GALNT14: variants seen among roughly 807,000 people sequenced by gnomAD.
The protein encoded by GALNT14 is polypeptide N-acetylgalactosaminyltransferase 14, also known as UDP-GalNAc:polypeptide N-acetylgalactosaminyltransferase 14.
Under a neutral mutation model 77.5 loss-of-function variants are expected in GALNT14, and 60 were observed. That is an observed-to-expected ratio of 0.77 (90% CI 0.63 to 0.96). The LOEUF (loss-of-function observed/expected upper bound fraction) is 0.96. GALNT14 is among the 40% of genes least tolerant of loss of function. The pLI is 0.00. For synonymous variants in GALNT14, 280 were observed against 281.7 expected (o/e 0.99, Z 0.06); for missense variants, 710 against 731.0 (o/e 0.97, Z 0.33).
At chr2:31,004,444 C>T (rs763733546) in intron 1 of GALNT14, among the ~76,000 whole-genome samples, 1 of 152,184 alleles carries the variant, frequency 6.6e-6, no homozygotes, top group Non-Finnish European at 1.5e-5. Flanking sequence ...TCAGAGAGGG[C>T]AGCTTCAGCT....
At chr2:30,948,996 T>C (rs942158196) in intron 6 of GALNT14, among the ~76,000 whole-genome samples, 1 of 152,190 alleles carries the variant, frequency 6.6e-6, no homozygotes, top group Admixed American at 6.5e-5. Flanking sequence ...AGGGGTTCTG[T>C]CCTTCTATTA....
chr2:31,045,189 GA>G (rs1673362146), intron 1 of GALNT14, among the ~76,000 whole-genome samples: 1 of 152,158 alleles, frequency 6.6e-6, no homozygotes, highest in Admixed American at 6.5e-5. Flanking sequence ...AGGAAGATGA[GA>G]AAACTGGCCC....
chr2:30,953,013 C>G (rs901315614), intron 6 of GALNT14, among the ~76,000 whole-genome samples: 1 of 152,188 alleles, frequency 6.6e-6, no homozygotes, highest in Admixed American at 6.5e-5. Context: ...AACAGAGACA[C>G]TATCTCCAAC....
chr2:30,917,741 T>C (rs1364343892), intron 13 of GALNT14, among the ~76,000 whole-genome samples: 1 of 152,240 alleles, frequency 6.6e-6, no homozygotes, highest in Non-Finnish European at 1.5e-5. Flanking sequence ...AAGGGGCCAA[T>C]GGTTACTCTG....
chr2:30,889,352 C>A, the GALNT14 span, among the ~76,000 whole-genome samples: 2,164 of 152,292 alleles, frequency 0.014, 23 homozygotes, highest in Non-Finnish European at 0.021. Context: ...CTTGGAACAG[C>A]TCCTCCTCCC....
At position 30,924,235 on chromosome 2, in the gene GALNT14, C is replaced by T. The variant is rs868166769; in HGVS notation, c.1264G>A (p.Gly422Ser). The change falls in exon 13 of 15, where the codon GGC becomes AGC. Residue 422 changes from glycine (G) to serine (S), a missense_variant. Gly to Ser is a moderately conservative substitution (Grantham distance 56, BLOSUM62 0). Coordinates refer to ENST00000349752, the MANE Select transcript of GALNT14 (RefSeq NM_024572.4). ...CACTTCTGTCTCTGTCGGATATTGC[C>T]CTTCTGGATGGAGGACTCCTTGGGG... The part of the protein sequence containing the change: ...SIPKESSIQK[G>S]NIRQRQKCLE... The T allele has an allele frequency of 4.3e-6, 7 of 1,614,006 alleles. No individual in the cohort carries two copies. Among genetic ancestry groups the T allele is most frequent in the Non-Finnish European group, 5.9e-6 (7 of 1,180,038 alleles).
intron 1 of GALNT14, among the ~76,000 whole-genome samples, chr2:31,027,059 CA>C (rs1213039829): frequency 3.1e-4 from 47 of 152,202 alleles, no homozygotes; most frequent in African/African-American, 1.1e-3. Flanking sequence ...TATATTAAAA[CA>C]AACAAACGCT....
chr2:31,023,809 A>C, intron 1 of GALNT14, among the ~76,000 whole-genome samples: 1 of 150,374 alleles, frequency 6.7e-6, no homozygotes, highest in African/African-American at 2.5e-5. Flanking sequence ...GCCCCTCATC[A>C]CTCTCCTCCT....
intron 1 of GALNT14, among the ~76,000 whole-genome samples, chr2:31,104,898 G>A (rs1439958423): frequency 2.0e-5 from 3 of 152,144 alleles, no homozygotes; most frequent in African/African-American, 4.8e-5. Context: ...ATTTTACCAT[G>A]TTTCCATGTT....
At chr2:30,998,931 A>C (rs903382347) in intron 1 of GALNT14, among the ~76,000 whole-genome samples, 1 of 152,156 alleles carries the variant, frequency 6.6e-6, no homozygotes, top group African/African-American at 2.4e-5. Context: ...CCTCCTTCAA[A>C]GGATGTCTGC....
At chr2:31,033,769 G>A (rs1275108256) in intron 1 of GALNT14, among the ~76,000 whole-genome samples, 1 of 151,974 alleles carries the variant, frequency 6.6e-6, no homozygotes, top group African/African-American at 2.4e-5. Context: ...TGCAGGTGAT[G>A]CCCACGTGTT....
chr2:30,967,890 T>A (rs1022196879), intron 2 of GALNT14, among the ~76,000 whole-genome samples: 1 of 152,236 alleles, frequency 6.6e-6, no homozygotes, highest in African/African-American at 2.4e-5. Flanking sequence ...CAGTCTTGTA[T>A]GCTGCCATGA....
chr2:30,963,151 G>A (rs1039477343), intron 3 of GALNT14, among the ~76,000 whole-genome samples: 8 of 152,134 alleles, frequency 5.3e-5, no homozygotes, highest in South Asian at 4.2e-4. Flanking sequence ...CAGCTAAGTC[G>A]TCTGGCACGT....
chr2:30,930,930 A>G (rs912202659), intron 10 of GALNT14, among the ~76,000 whole-genome samples: 1 of 152,228 alleles, frequency 6.6e-6, no homozygotes, highest in Non-Finnish European at 1.5e-5. Context: ...GCCCAGTCTC[A>G]AAGACAATGA....
At chr2:31,112,966 C>G (rs943058317) in intron 1 of GALNT14, among the ~76,000 whole-genome samples, 1 of 152,134 alleles carries the variant, frequency 6.6e-6, no homozygotes, top group Admixed American at 6.5e-5. Flanking sequence ...TTATATGCAG[C>G]TACTAATAAA....
intron 9 of GALNT14, among the ~76,000 whole-genome samples, chr2:30,934,315 A>T (rs142429799): frequency 6.6e-6 from 1 of 151,608 alleles, no homozygotes; most frequent in Non-Finnish European, 1.5e-5. Flanking sequence ...GCTCCAATCA[A>T]CTCCTCTCCA....
At chr2:30,990,188 T>C (rs1163169489) in intron 2 of GALNT14, among the ~76,000 whole-genome samples, 1 of 152,122 alleles carries the variant, frequency 6.6e-6, no homozygotes, top group African/African-American at 2.4e-5. Flanking sequence ...CAACCTACAA[T>C]GCACAGGACA....
chr2:30,942,803 C>T lies in GALNT14; in HGVS notation c.828-499G>A, dbSNP rs562520833. Among the ~76,000 whole-genome samples, 4 of 152,114 alleles carry T rather than the reference C, an allele frequency of 2.6e-5. No homozygotes were observed. In the South Asian group the frequency reaches 6.2e-4, roughly 24 times the overall value. On this transcript the variant is annotated intron_variant, in intron 8 of 14. Coordinates refer to ENST00000349752, the MANE Select transcript of GALNT14 (RefSeq NM_024572.4). ...CTGGGCTCTCTCTCCTTTTTTTTCC[C>T]TCTTTATGCCTCTGTTATGGGTTGA...
chr2:30,999,244 G>A (rs1279179495), intron 1 of GALNT14, among the ~76,000 whole-genome samples: 1 of 152,138 alleles, frequency 6.6e-6, no homozygotes, highest in East Asian at 1.9e-4. Flanking sequence ...TGACACAGAG[G>A]TCCCAAATAG....
Sources: allele counts gnomAD v4.1 joint callset (sites outside exome capture counted in the v4.1 genomes callset), GRCh38; gene constraint gnomAD v4.1.1; transcripts MANE v1.5; gene names NCBI Gene and HGNC (gene_info 2026-07-23, HGNC 2026-07-21).